SPG11: variants seen among roughly 807,000 people sequenced by gnomAD.
SPG11 encodes spatacsin.
A neutral mutation model predicts 274.0 loss-of-function variants in SPG11; 222 were observed. The observed-to-expected ratio is 0.81, with a 90% CI of 0.73 to 0.91. The LOEUF (loss-of-function observed/expected upper bound fraction) is 0.91, where lower values mean the gene tolerates loss of function less well. SPG11 is among the 40% of genes least tolerant of loss of function. The probability of loss-of-function intolerance (pLI) is 0.00; values close to 1 mark genes in which losing one functional copy is unlikely to be tolerated. For synonymous variants in SPG11, 1,144 were observed against 1,039.7 expected, an observed-to-expected ratio of 1.10 and a Z score of -1.93; for missense variants, 3,114 against 2,872.7, an observed-to-expected ratio of 1.08 and a Z score of -1.92.
At chr15:44,652,480 G>C (rs1041161750) in intron 4 of SPG11, among the ~76,000 whole-genome samples, 2 of 152,146 alleles carry the variant, frequency 1.3e-5, no homozygotes, top group African/African-American at 4.8e-5. Flanking sequence ...TGATAAAGCA[G>C]TAAGAACACT....
At chr15:44,593,951 G>C (rs1248220242) in intron 26 of SPG11, among the ~76,000 whole-genome samples, 1 of 144,714 alleles carries the variant, frequency 6.9e-6, no homozygotes, top group Non-Finnish European at 1.5e-5. Flanking sequence ...TGTATTTTTA[G>C]TAGAGACGGG....
At chr15:44,632,263 T>C (rs1387305689) in intron 8 of SPG11, among the ~76,000 whole-genome samples, 1 of 152,202 alleles carries the variant, frequency 6.6e-6, no homozygotes, top group African/African-American at 2.4e-5. Context: ...TATGGAACTT[T>C]AGCATAGTTG....
intron 28 of SPG11, among the ~76,000 whole-genome samples, chr15:44,587,411 T>C (rs1434427051): frequency 1.3e-5 from 2 of 152,148 alleles, no homozygotes; most frequent in African/African-American, 4.8e-5. Flanking sequence ...TATTCCTGGC[T>C]GGGCACAGTG....
intron 15 of SPG11, among the ~76,000 whole-genome samples, chr15:44,618,154 A>G (rs1302504117): frequency 1.3e-5 from 2 of 152,190 alleles, no homozygotes; most frequent in South Asian, 4.1e-4. Flanking sequence ...GAATGCTCAC[A>G]ATGTTTCACT....
At chr15:44,611,575 GA>G (rs1306874419) in intron 17 of SPG11, among the ~76,000 whole-genome samples, 1 of 152,050 alleles carries the variant, frequency 6.6e-6, no homozygotes, top group East Asian at 1.9e-4. Context: ...CCTACAGCAA[GA>G]ACCTTAAACA....
At chr15:44,657,666 G>A (rs990383696) in intron 3 of SPG11, among the ~76,000 whole-genome samples, 10 of 152,152 alleles carry the variant, frequency 6.6e-5, no homozygotes, top group Admixed American at 6.5e-4. Context: ...GACATTTTAT[G>A]TTTTTTCTTC....
At chr15:44,641,534 T>A (rs1397537426) in intron 7 of SPG11, among the ~76,000 whole-genome samples, 2 of 134,268 alleles carry the variant, frequency 1.5e-5, no homozygotes, top group Non-Finnish European at 3.2e-5. Context: ...AAAAGAAAAA[T>A]AGGCAAAAAA....
chr15:44,589,539 C>T, intron 27 of SPG11, 125 bp from the exon 28 acceptor site: 1 of 1,130,218 alleles, frequency 8.8e-7, no homozygotes, highest in Non-Finnish European at 1.3e-6. Context: ...TCATGAGGCA[C>T]TTACTCAGTT....
intron 18 of SPG11, among the ~76,000 whole-genome samples, chr15:44,609,491 G>GTCCCT (rs2083405062): frequency 6.6e-6 from 1 of 151,972 alleles, no homozygotes; most frequent in Non-Finnish European, 1.5e-5. Flanking sequence ...GCAAAGATGG[G>GTCCCT]CACATTTCCA....
intron 30 of SPG11, among the ~76,000 whole-genome samples, chr15:44,581,367 T>C (rs2082655921): frequency 6.6e-6 from 1 of 151,842 alleles, no homozygotes; most frequent in Non-Finnish European, 1.5e-5. Context: ...CCAACACACC[T>C]GGCTAATTTT....
intron 23 of SPG11, 94 bp from the exon 24 acceptor site, chr15:44,597,037 A>G: frequency 1.6e-6 from 2 of 1,237,064 alleles, no homozygotes; most frequent in Non-Finnish European, 2.3e-6. Context: ...AGTAAAAATG[A>G]TATAAATTAA....
chr15:44,651,446 A>G, intron 6 of SPG11, 45 bp downstream of exon 6: 1 of 1,541,870 alleles, frequency 6.5e-7, no homozygotes, highest in Non-Finnish European at 9.0e-7. Flanking sequence ...GTAGGAAAGC[A>G]TACATCTCAG....
At position 44,563,056 on chromosome 15, in the gene SPG11, C is replaced by A. The variant is rs188133968; in HGVS notation, c.*65G>T. On this transcript the variant is annotated 3_prime_UTR_variant, in exon 40 of 40. Transcript: ENST00000261866. ...CTTTAGCAAAGATCTCCAATGCATT[C>A]TTCTTCTCATCACATCTGTCAGAAT... The A allele has an allele frequency of 1.8e-5, 28 of 1,516,186 alleles. No individual in the cohort carries two copies. The East Asian group carries it at 6.1e-4, about 33-fold the overall frequency. The allele number at this position is 1,516,186 out of a possible 1,614,324, so 93.9% of individuals were successfully genotyped here.
chr15:44,622,792 T>A lies in SPG11; in HGVS notation c.2252A>T (p.Asp751Val), dbSNP rs774668205. 7 of 1,613,494 alleles carry A rather than the reference T, an allele frequency of 4.3e-6. No individual in the cohort carries two copies. The highest frequency in any genetic ancestry group is 5.9e-6 in the Non-Finnish European group (7 of 1,179,536). ...ASELLKNMGF[D>V]VKGQLLKICF... ...GATCTTGAGCAATTGGCCTTTTACATCAAACCCCTAAAATAAACATAGAAA... is the reference window on the plus strand; with the variant it reads ...GATCTTGAGCAATTGGCCTTTTACAACAAACCCCTAAAATAAACATAGAAA... Residue 751 changes from aspartate to valine, a missense_variant, in exon 12 of 40, where the codon GAT (aspartate) becomes GTT (valine). Coordinates refer to ENST00000261866, the MANE Select transcript of SPG11 (RefSeq NM_025137.4).
At chr15:44,622,983 G>A (rs991580335) in intron 11 of SPG11, among the ~76,000 whole-genome samples, 184 bp from the exon 12 acceptor site, 1 of 152,074 alleles carries the variant, frequency 6.6e-6, no homozygotes, top group Non-Finnish European at 1.5e-5. Flanking sequence ...CAGTCTAGCT[G>A]TGCTGCCTAG....
chr15:44,567,564 T>C lies in SPG11; in HGVS notation c.6614A>G (p.Asp2205Gly). The C allele has an allele frequency of 6.2e-7, 1 of 1,614,000 alleles. No individual in the cohort carries two copies. Among genetic ancestry groups the C allele is most frequent in the Non-Finnish European group, 8.5e-7 (1 of 1,179,964 alleles). Residue 2205 changes from aspartate to glycine, a missense_variant, in exon 36 of 40, where the codon GAC (aspartate) becomes GGC (glycine). Coordinates refer to ENST00000261866, the MANE Select transcript of SPG11 (RefSeq NM_025137.4). Reference protein sequence around the residue: ...PSGTLKTALLDYIKRCRPGDS... With the variant: ...PSGTLKTALLGYIKRCRPGDS... Reference sequence around the variant, plus strand: ...TCCAGGACGGCAGCGTTTGATGTAGTCCAGCAGGGCTGTTTTCAGGGTACC... The same window carrying C: ...TCCAGGACGGCAGCGTTTGATGTAGCCCAGCAGGGCTGTTTTCAGGGTACC...
rs759700478 is a variant in SPG11, at chr15:44,584,024, G to C, written c.5656C>G (p.Leu1886Val). Residue 1886 changes from leucine to valine, a missense_variant, in exon 30 of 40, where the codon CTG (leucine) becomes GTG (valine). Leu to Val is a conservative substitution (Grantham distance 32). Coordinates refer to ENST00000261866, the MANE Select transcript of SPG11 (RefSeq NM_025137.4). ...GCTTCATGCACACAGCCATCATCCA[G>C]TAGGCGCCCAATCAAAAAGTTTAGT... Reference protein sequence around the residue: ...ESLNFLIGRLLDDGCVHEASR... With the variant: ...ESLNFLIGRLVDDGCVHEASR... 6.2e-7 allele frequency: 1 copy of C among 1,614,228 alleles called. No individual in the cohort carries two copies.
chr15:44,563,719 T>C (rs2082246752), intron 39 of SPG11, among the ~76,000 whole-genome samples: 1 of 152,052 alleles, frequency 6.6e-6, no homozygotes, highest in African/African-American at 2.4e-5. Flanking sequence ...GAGTGTGAAC[T>C]CCTGGGCTCA....
At chr15:44,602,808 G>T (rs1301713555) in intron 20 of SPG11, among the ~76,000 whole-genome samples, 3 of 152,026 alleles carry the variant, frequency 2.0e-5, no homozygotes, top group African/African-American at 7.2e-5. Context: ...TTCTGTTAAT[G>T]TGGTGTATCA....
Sources: gnomAD v4.1 joint callset for allele counts (sites outside exome capture counted in the v4.1 genomes callset) on GRCh38, gnomAD v4.1.1 for gene constraint, MANE v1.5 for transcripts, NCBI Gene and HGNC (gene_info 2026-07-23, HGNC 2026-07-21) for gene names.